LRPPRC: variants seen among roughly 807,000 people sequenced by gnomAD.
The protein encoded by LRPPRC is leucine rich pentatricopeptide repeat containing, also known as leucine-rich PPR motif-containing protein, mitochondrial.
A neutral mutation model predicts 180.3 loss-of-function variants in LRPPRC; 120 were observed. The observed-to-expected ratio is 0.67, with a 90% CI of 0.57 to 0.77. The LOEUF is 0.77. Ranked by LOEUF, LRPPRC falls within the 30% of genes least tolerant of loss-of-function variation. The pLI, the probability that LRPPRC is intolerant of heterozygous loss-of-function variation, is 0.00. For missense variants in LRPPRC, 2,012 were observed against 1,657.2 expected (o/e 1.21, Z -3.72); for synonymous variants, 723 against 600.0 (o/e 1.21, Z -3.00).
In LRPPRC at chr2:43,920,199, G is replaced by A. The variant is rs569612927; in HGVS notation, c.2897-1801C>T. On this transcript the variant is annotated intron_variant, in intron 27 of 37. Transcript: ENST00000260665. ...TGCCCAGGCTGGAGTGCAGTGGCCC[G>A]ATCTCAGTTCAGTGTAACCTCCGCC... Among the ~76,000 whole-genome samples the A allele has an allele frequency of 1.2e-4, 18 of 151,674 alleles. No individual in the cohort carries two copies. The East Asian group carries it at 1.9e-3, about 16-fold the overall frequency.
chr2:43,979,206 T>C (rs528380374), intron 3 of LRPPRC, among the ~76,000 whole-genome samples: 29 of 152,244 alleles, frequency 1.9e-4, no homozygotes, highest in African/African-American at 6.3e-4. Flanking sequence ...GTGTTCATCA[T>C]CCTTCTAGAA....
At chr2:43,945,455 C>A in intron 21 of LRPPRC, 38 bp from the exon 22 acceptor site, 2 of 1,138,784 alleles carry the variant, frequency 1.8e-6, no homozygotes, top group South Asian at 1.2e-5. Flanking sequence ...TTTTAAAAGT[C>A]AATTAACTGC....
intron 25 of LRPPRC, among the ~76,000 whole-genome samples, chr2:43,932,460 A>G (rs1322024463): frequency 6.6e-5 from 10 of 152,118 alleles, no homozygotes; most frequent in Admixed American, 6.6e-4. Context: ...TTCACCCTTT[A>G]AAAAATTTTG....
intron 12 of LRPPRC, among the ~76,000 whole-genome samples, chr2:43,963,263 G>T (rs545300006): frequency 5.9e-5 from 9 of 152,182 alleles, no homozygotes; most frequent in South Asian, 2.1e-4. Context: ...CGACCAACAT[G>T]GAGAAACCCT....
intron 25 of LRPPRC, among the ~76,000 whole-genome samples, chr2:43,933,703 A>G (rs995132578): frequency 1.6e-4 from 24 of 151,840 alleles, no homozygotes; most frequent in Admixed American, 7.2e-4. Context: ...AGCATAGTGG[A>G]AAAAAAAAGA....
intron 25 of LRPPRC, among the ~76,000 whole-genome samples, chr2:43,929,985 C>T (rs1672027344): frequency 6.9e-6 from 1 of 145,818 alleles, no homozygotes; most frequent in South Asian, 2.2e-4. Flanking sequence ...AACAAACAAA[C>T]CCTAGCTCTA....
chr2:43,893,521 C>G (rs928587069), intron 36 of LRPPRC, among the ~76,000 whole-genome samples: 24 of 152,200 alleles, frequency 1.6e-4, no homozygotes, highest in Non-Finnish European at 2.9e-4. Flanking sequence ...ACTGAAGGCA[C>G]AGATGATCGT....
intron 2 of LRPPRC, among the ~76,000 whole-genome samples, chr2:43,980,841 G>C (rs763569474): frequency 6.6e-6 from 1 of 152,202 alleles, no homozygotes; most frequent in Non-Finnish European, 1.5e-5. Context: ...CCTACGGCTG[G>C]AAGGGATGAG....
intron 5 of LRPPRC, among the ~76,000 whole-genome samples, 178 bp downstream of exon 5, chr2:43,976,814 TTC>T (rs926141315): frequency 2.0e-5 from 3 of 152,150 alleles, no homozygotes; most frequent in Non-Finnish European, 2.9e-5. Context: ...TACTTATCTT[TTC>T]TCTCTTACAC....
At chr2:43,987,467 G>A (rs1481071623) in intron 1 of LRPPRC, among the ~76,000 whole-genome samples, 3 of 131,382 alleles carry the variant, frequency 2.3e-5, no homozygotes, top group Non-Finnish European at 3.1e-5. Context: ...TGCACTCCAG[G>A]CCGGGCGACA....
At chr2:43,936,084 A>T (rs866138005) in intron 23 of LRPPRC, among the ~76,000 whole-genome samples, 1 of 145,898 alleles carries the variant, frequency 6.9e-6, no homozygotes, top group Non-Finnish European at 1.5e-5. Context: ...ACTCTGTTTC[A>T]AAAAAAAAAA....
rs1406292352 is a variant in LRPPRC at position 43,894,485 on chromosome 2, A to G, written c.3985+60T>C. 2.6e-5 allele frequency: 22 copies of G among 838,306 alleles called. 1 individual carries two copies. In the South Asian group the frequency reaches 3.0e-4, roughly 12 times the overall value. The allele number at this position is 838,306 out of a possible 1,614,324, so 51.9% of individuals were successfully genotyped here. On this transcript the variant is annotated intron_variant, in intron 36 of 37. Transcript: ENST00000260665. Reference sequence around the variant, plus strand: ...ATACTACAAGTCATTTACATGATATAGTCACTTAAATAATAAAGCCATTTA... The same window carrying G: ...ATACTACAAGTCATTTACATGATATGGTCACTTAAATAATAAAGCCATTTA...
chr2:43,940,627 C>CT (rs1175500890), intron 23 of LRPPRC, among the ~76,000 whole-genome samples: 5 of 152,052 alleles, frequency 3.3e-5, no homozygotes, highest in African/African-American at 1.2e-4. Context: ...CCAACATAAT[C>CT]CAGTTAAACA....
rs566550284 is a variant in LRPPRC, at chr2:43,957,342, C to G, written c.1649+43G>C. The G allele has an allele frequency of 1.2e-4, 156 of 1,311,410 alleles. 2 individuals carry two copies. The South Asian group carries it at 1.7e-3, about 15-fold the overall frequency. The allele number at this position is 1,311,410 out of a possible 1,614,324, so 81.2% of individuals were successfully genotyped here. ...AATAAGTCAAAAGGACAGGAGAAATCAGTCCATGTTCAGGCAAGGAACATT... is the reference window on the plus strand; with the variant it reads ...AATAAGTCAAAAGGACAGGAGAAATGAGTCCATGTTCAGGCAAGGAACATT... On this transcript the variant is annotated intron_variant, in intron 14 of 37. Coordinates refer to ENST00000260665, the MANE Select transcript of LRPPRC (RefSeq NM_133259.4).
At chr2:43,951,272 T>C (rs564277744) in intron 14 of LRPPRC, among the ~76,000 whole-genome samples, 2 of 152,338 alleles carry the variant, frequency 1.3e-5, no homozygotes, top group East Asian at 3.9e-4. Context: ...TAAAATAAGA[T>C]AAAAATTAGG....
chr2:43,971,523 T>C (rs1252457811), intron 11 of LRPPRC, among the ~76,000 whole-genome samples: 2 of 102,466 alleles, frequency 2.0e-5, no homozygotes, highest in Non-Finnish European at 4.0e-5. Context: ...TATATATATA[T>C]GTTTTTTAAA....
At chr2:43,995,425 C>T (rs1168811814) in intron 1 of LRPPRC, among the ~76,000 whole-genome samples, 1 of 152,180 alleles carries the variant, frequency 6.6e-6, no homozygotes, top group Admixed American at 6.5e-5. Context: ...CAACGGTGAC[C>T]GCACGTGGGA....
At chr2:43,948,011 A>G (rs538016584) in intron 18 of LRPPRC, 111 bp downstream of exon 18, 2 of 794,190 alleles carry the variant, frequency 2.5e-6, no homozygotes, top group African/African-American at 3.5e-5. Flanking sequence ...AATGGCTGTC[A>G]TTGAAACAAA....
Position 43,899,524 on chromosome 2 carries a change from G to T in LRPPRC, c.3651C>A (p.Gly1217=), listed in dbSNP as rs1383063191. Residue 1217 remains glycine, a synonymous_variant, in exon 33 of 38, where the codon GGC becomes GGA. Transcript: ENST00000260665. ...ENKVIEPQYF[G]LAYLFRKVIE... is the part of the protein sequence containing the mutation. ...TTACTTTTCTGAATAAGTATGCCAA[G>T]CCGAAGTATTGGGGTTCAATGACTT... 6.2e-7 allele frequency: 1 copy of T among 1,613,240 alleles called. No homozygotes were observed. The highest frequency in any genetic ancestry group is 2.2e-5 in the East Asian group (1 of 44,870).
Sources: allele counts gnomAD v4.1 joint callset (sites outside exome capture counted in the v4.1 genomes callset), GRCh38; gene constraint gnomAD v4.1.1; transcripts MANE v1.5; gene names NCBI Gene and HGNC (gene_info 2026-07-23, HGNC 2026-07-21).